WHRN: variants seen among roughly 807,000 people sequenced by gnomAD.
WHRN encodes the protein CASK-interacting protein CIP98.
WHRN carries 41 observed loss-of-function variants against 68.3 expected under a neutral mutation model. The ratio of observed to expected loss-of-function variants is 0.60; its 90% CI spans 0.47 to 0.78. The LOEUF is 0.78. Ranked by LOEUF, WHRN falls within the 30% of genes least tolerant of loss-of-function variation. The pLI, the probability that WHRN is intolerant of heterozygous loss-of-function variation, is 0.00. For missense variants in WHRN, 1,243 were observed against 1,244.7 expected (o/e 1.00, Z 0.02); for synonymous variants, 560 against 561.3 (o/e 1.00, Z 0.03).
intron 7 of WHRN, among the ~76,000 whole-genome samples, chr9:114,419,725 G>A (rs1564129511): frequency 6.6e-6 from 1 of 152,214 alleles, no homozygotes; most frequent in African/African-American, 2.4e-5. Context: ...AGGCCAAGGG[G>A]TCTCTCAACA....
chr9:114,455,863 A>G (rs1453346801), intron 3 of WHRN, among the ~76,000 whole-genome samples: 1 of 152,152 alleles, frequency 6.6e-6, no homozygotes. Context: ...TAATACACCT[A>G]ATCTACCAGA....
At chr9:114,450,950 T>C (rs180887814) in intron 3 of WHRN, among the ~76,000 whole-genome samples, 484 of 152,326 alleles carry the variant, frequency 3.2e-3, no homozygotes, top group Non-Finnish European at 5.2e-3. Context: ...TTGAATCATC[T>C]GGGCCACGGG....
rs535500605 is a variant in WHRN, at chr9:114,457,460, G to C, written c.963+8807C>G. ...CATTACGTAATTAACTGAATAAATA[G>C]ATAAATGAGTGAGAAGGGACAATTC... On this transcript the variant is annotated intron_variant, in intron 3 of 11. Transcript: ENST00000362057. Among the ~76,000 whole-genome samples, 28 of 152,134 alleles carry C rather than the reference G, an allele frequency of 1.8e-4. No homozygotes were observed. The South Asian group carries it at 5.4e-3, about 29-fold the overall frequency.
intron 1 of WHRN, chr9:114,503,427 T>C (rs1175013832): frequency 6.6e-6 from 1 of 152,630 alleles, no homozygotes; most frequent in Non-Finnish European, 1.5e-5. Flanking sequence ...TGGTTTTCAG[T>C]AGCCCTGGGC....
chr9:114,426,105 C>A (rs1243323691), intron 4 of WHRN, 106 bp downstream of exon 4: 1 of 1,465,678 alleles, frequency 6.8e-7, no homozygotes, highest in Non-Finnish European at 9.4e-7. Context: ...GTGGGGACTG[C>A]AGGCTGAGAG....
At chr9:114,419,484 A>G (rs1265188943) in intron 7 of WHRN, among the ~76,000 whole-genome samples, 1 of 152,226 alleles carries the variant, frequency 6.6e-6, no homozygotes, top group African/African-American at 2.4e-5. Context: ...GGTAACTGGG[A>G]AACCTGTACA....
chr9:114,407,112 G>A (rs1835095117), intron 8 of WHRN, among the ~76,000 whole-genome samples: 1 of 152,224 alleles, frequency 6.6e-6, no homozygotes, highest in African/African-American at 2.4e-5. Context: ...TGTCTCTGGG[G>A]ACAGCATCAT....
chr9:114,406,606 T>C lies in WHRN; in HGVS notation c.1985A>G (p.Lys662Arg). Reference protein sequence around the residue: ...ASVSPANPSSKRPLDAHLALV... With the variant: ...ASVSPANPSSRRPLDAHLALV... The stretch of plus-strand genomic sequence containing the variant: ...GGCCAGATGGGCGTCCAGCGGCCTC[T>C]TGGAGCTGGGGTTGGCAGGGGAGAC... The change falls in exon 9 of 12, where the codon AAG (lysine) becomes AGG (arginine). Residue 662 changes from lysine to arginine, a missense_variant. Transcript: ENST00000362057. 1.2e-6 allele frequency: 2 copies of C among 1,610,884 alleles called. No individual in the cohort carries two copies. The highest frequency in any genetic ancestry group is 1.7e-6 in the Non-Finnish European group (2 of 1,177,666).
At chr9:114,471,306 C>T (rs760102712) in intron 2 of WHRN, among the ~76,000 whole-genome samples, 17 of 152,226 alleles carry the variant, frequency 1.1e-4, no homozygotes, top group Admixed American at 2.0e-4. Flanking sequence ...CTCATTGAAT[C>T]CTCACTCCTC....
intron 2 of WHRN, among the ~76,000 whole-genome samples, chr9:114,473,930 T>C (rs550297859): frequency 5.3e-5 from 8 of 152,114 alleles, no homozygotes; most frequent in Non-Finnish European, 7.4e-5. Context: ...GGCGCCTGCC[T>C]CAGAGGAGGG....
chr9:114,439,679 A>G (rs1589140145), intron 3 of WHRN, among the ~76,000 whole-genome samples: 1 of 152,044 alleles, frequency 6.6e-6, no homozygotes, highest in South Asian at 2.1e-4. Flanking sequence ...AGTGTGTATT[A>G]TATGTATACA....
intron 3 of WHRN, 99 bp from the exon 4 acceptor site, chr9:114,426,512 G>T (rs1564140333): frequency 1.5e-6 from 2 of 1,359,152 alleles, no homozygotes; most frequent in East Asian, 2.3e-5. Context: ...GGGCCAGCCT[G>T]TCAAGGAGGT....
intron 3 of WHRN, among the ~76,000 whole-genome samples, chr9:114,433,046 G>A (rs1016916773): frequency 5.3e-5 from 8 of 152,164 alleles, no homozygotes; most frequent in East Asian, 3.8e-4. Flanking sequence ...AGCCGAGGAC[G>A]GGAAGTAGAG....
chr9:114,472,150 G>A (rs533164341), intron 2 of WHRN, among the ~76,000 whole-genome samples: 7 of 152,330 alleles, frequency 4.6e-5, no homozygotes, highest in Admixed American at 1.3e-4. Flanking sequence ...ATGAGGATGC[G>A]TGGGCTCCCA....
chr9:114,460,606 C>G (rs372601935), intron 3 of WHRN, among the ~76,000 whole-genome samples: 1 of 152,210 alleles, frequency 6.6e-6, no homozygotes, highest in Non-Finnish European at 1.5e-5. Flanking sequence ...TTAGCCCCCA[C>G]TGGGGGAGTG....
rs1844311500 is a variant in WHRN, at chr9:114,505,445, C to A, written c.-644G>T. On this transcript the variant is annotated 5_prime_UTR_variant, in exon 1 of 12. Coordinates refer to ENST00000362057, the MANE Select transcript of WHRN (RefSeq NM_015404.4). ...CGCCCGGCCGCAAGCCCGGACTTTG[C>A]GAACTGTTGAGCCACCCGGGCCGAG... 1 of 152,320 alleles carries A rather than the reference C, an allele frequency of 6.6e-6. No individual in the cohort carries two copies. Among genetic ancestry groups the A allele is most frequent in the African/African-American group, 2.4e-5 (1 of 41,470 alleles). The allele number at this position is 152,320 out of a possible 1,614,324, so 9.4% of individuals were successfully genotyped here.
At chr9:114,416,841 C>A (rs1352737419) in intron 7 of WHRN, among the ~76,000 whole-genome samples, 1 of 152,212 alleles carries the variant, frequency 6.6e-6, no homozygotes, top group Non-Finnish European at 1.5e-5. Flanking sequence ...ACCCAGACAG[C>A]TGGTCTTATC....
rs765008248 is a variant in WHRN, at chr9:114,478,558, T to C, written c.832A>G (p.Lys278Glu). Reference protein sequence around the residue: ...TLHLLQGGDEKKVNLVLGDGR... With the variant: ...TLHLLQGGDEEKVNLVLGDGR... ...CCTTTCCCCACCCCACTCACCTTTT[T>C]CTCATCCCCTCCTTGCAGGAGGTGC... Residue 278 changes from lysine to glutamate, a missense_variant, in exon 2 of 12, where the codon AAA (lysine) becomes GAA (glutamate). Lys to Glu is a moderately conservative substitution (Grantham distance 56, BLOSUM62 1). Coordinates refer to ENST00000362057, the MANE Select transcript of WHRN (RefSeq NM_015404.4). 34 of 1,614,108 alleles carry C rather than the reference T, an allele frequency of 2.1e-5. No homozygotes were observed. The South Asian group carries it at 3.7e-4, about 18-fold the overall frequency.
chr9:114,424,159 TC>T (rs927211106), intron 6 of WHRN, among the ~76,000 whole-genome samples, 174 bp downstream of exon 6: 12 of 152,256 alleles, frequency 7.9e-5, no homozygotes, highest in African/African-American at 2.9e-4. Context: ...AATGTCTGTT[TC>T]CCCCAGGAGT....
Sources: gnomAD v4.1 joint callset for allele counts (sites outside exome capture counted in the v4.1 genomes callset) on GRCh38, gnomAD v4.1.1 for gene constraint, MANE v1.5 for transcripts, NCBI Gene and HGNC (gene_info 2026-07-23, HGNC 2026-07-21) for gene names.